Variants in WDR77 observed in about 807,000 individuals in gnomAD.
WDR77 encodes WD repeat domain 77, also known as methylosome protein WDR77.
In WDR77, 31 loss-of-function variants were observed where a neutral mutation model predicts 44.0. The ratio of observed to expected loss-of-function variants is 0.70; its 90% CI spans 0.53 to 0.95. The LOEUF is 0.95. WDR77 is among the 40% of genes least tolerant of loss of function. The probability of loss-of-function intolerance (pLI) is 0.00; values close to 1 mark genes in which losing one functional copy is unlikely to be tolerated. For missense variants in WDR77, 390 were observed against 423.9 expected, an observed-to-expected ratio of 0.92 and a Z score of 0.70; for synonymous variants, 186 against 165.7, an observed-to-expected ratio of 1.12 and a Z score of -0.94.
intron 9 of WDR77, 63 bp from the exon 10 acceptor site, chr1:111,441,452 A>G: frequency 7.0e-7 from 1 of 1,421,478 alleles, no homozygotes; most frequent in Non-Finnish European, 9.3e-7. Flanking sequence ...GGAGAAAAAA[A>G]GAGAACCCAA....
chr1:111,445,637 G>A (rs1221180706), intron 4 of WDR77, among the ~76,000 whole-genome samples: 2 of 152,084 alleles, frequency 1.3e-5, no homozygotes, highest in African/African-American at 4.8e-5. Flanking sequence ...ATTCAGCAGG[G>A]GGAATAAGAC....
At chr1:111,447,277 C>T (rs1330185776) in intron 3 of WDR77, 133 bp from the exon 4 acceptor site, 34 of 1,457,186 alleles carry the variant, frequency 2.3e-5, no homozygotes, top group Admixed American at 5.8e-5. Flanking sequence ...GGTCTACTTA[C>T]GATGGACTGC....
At position 111,448,756 on chromosome 1, in the gene WDR77, G is replaced by A. The variant is rs1399297960; in HGVS notation, c.164C>T (p.Ala55Val). Residue 55 changes from alanine to valine, a missense_variant, in exon 2 of 10, where the codon GCC (alanine) becomes GTC (valine). Coordinates refer to ENST00000235090, the MANE Select transcript of WDR77 (RefSeq NM_024102.4). ...GTCCTTAAAAAGCCAGAGGGAGCCGGCCCAGCAGCGCCCACTCAGGCTGGA... is the reference window on the plus strand; with the variant it reads ...GTCCTTAAAAAGCCAGAGGGAGCCGACCCAGCAGCGCCCACTCAGGCTGGA... ...GASSLSGRCW[A>V]GSLWLFKDPC... is the part of the protein sequence containing the mutation. 1 of 1,606,294 alleles carries A rather than the reference G, an allele frequency of 6.2e-7. No homozygotes were observed. Among genetic ancestry groups the A allele is most frequent in the Non-Finnish European group, 8.5e-7 (1 of 1,176,088 alleles).
intron 4 of WDR77, among the ~76,000 whole-genome samples, chr1:111,444,791 T>TAC (rs1652961828): frequency 1.3e-5 from 2 of 152,252 alleles, no homozygotes. Context: ...AACACAAGTA[T>TAC]GGCTCTGTGA....
rs1426091633 is a variant in WDR77, at chr1:111,440,065, A to G, written c.*1165T>C. 6.6e-6 allele frequency: 1 copy of G among 152,646 alleles called. No individual in the cohort carries two copies. The highest frequency in any genetic ancestry group is 1.5e-5 in the Non-Finnish European group (1 of 68,034). 9.5% of individuals were successfully genotyped at this position (152,646 alleles called of 1,614,324 possible). ...ATAATTGATTATATTTACTTTCAAT[A>G]TAATCAGTAATTGATCCATGACTCC... On this transcript the variant is annotated 3_prime_UTR_variant, in exon 10 of 10. Coordinates refer to ENST00000235090, the MANE Select transcript of WDR77 (RefSeq NM_024102.4).
intron 4 of WDR77, among the ~76,000 whole-genome samples, chr1:111,445,822 G>A (rs895487263): frequency 6.6e-6 from 1 of 152,026 alleles, no homozygotes; most frequent in African/African-American, 2.4e-5. Context: ...AGGCTGGAGT[G>A]CAGTGGCGTG....
intron 2 of WDR77, 71 bp from the exon 3 acceptor site, chr1:111,447,647 A>G: frequency 1.3e-6 from 2 of 1,554,956 alleles, no homozygotes; most frequent in Non-Finnish European, 1.8e-6. Flanking sequence ...CTAGGATTCA[A>G]AGAGCCATTG....
intron 4 of WDR77, among the ~76,000 whole-genome samples, chr1:111,444,586 C>G (rs773012233): frequency 2.0e-5 from 3 of 152,160 alleles, no homozygotes; most frequent in Non-Finnish European, 2.9e-5. Context: ...TCACTCTTCT[C>G]CCACTTCATA....
chr1:111,443,535 G>T, intron 6 of WDR77, 141 bp from the exon 7 acceptor site: 1 of 1,263,040 alleles, frequency 7.9e-7, no homozygotes, highest in Non-Finnish European at 1.1e-6. Flanking sequence ...TCATCCTTGA[G>T]CCTCATAACC....
At chr1:111,448,843 A>T (rs1044989368) in intron 1 of WDR77, 39 bp from the exon 2 acceptor site, 31 of 1,552,890 alleles carry the variant, frequency 2.0e-5, no homozygotes, top group Admixed American at 3.9e-5. Context: ...GAAGGGTAGA[A>T]GGGTTCGCCT....
intron 4 of WDR77, among the ~76,000 whole-genome samples, chr1:111,445,425 A>T (rs1247385362): frequency 6.6e-6 from 1 of 152,208 alleles, no homozygotes; most frequent in East Asian, 1.9e-4. Context: ...GACAAGCACC[A>T]TGGTGGTGTA....
Position 111,442,109 on chromosome 1 carries a change from G to A in WDR77, c.801-16C>T, listed in dbSNP as rs972028237. On this transcript the variant is annotated splice_polypyrimidine_tract_variant and intron_variant, in intron 8 of 9. Transcript: ENST00000235090. ...GAAGGGAACACTATCAGATGGAGGA[G>A]AGGGTTGTGAAAGGTCCAGCCTGGA... 11 of 1,613,216 alleles carry A rather than the reference G, an allele frequency of 6.8e-6. No homozygotes were observed. Among genetic ancestry groups the A allele is most frequent in the Non-Finnish European group, 6.8e-6 (8 of 1,179,300 alleles).
At chr1:111,442,590 TAC>T (rs991931497) in intron 8 of WDR77, 61 bp downstream of exon 8, 19 of 1,180,582 alleles carry the variant, frequency 1.6e-5, no homozygotes, top group South Asian at 1.0e-4. Context: ...TTTGAAAACA[TAC>T]ACACACACCC....
rs1449350157 is a variant in WDR77 at position 111,449,243 on chromosome 1, C to G, written c.-74G>C. ...GACTCCGCTCCGGCAGCAAACCCCA[C>G]GTGGTGCACCTCTGAGCCTCCGCCC... On this transcript the variant is annotated 5_prime_UTR_variant, in exon 1 of 10. Transcript: ENST00000235090. 3 of 1,535,914 alleles carry G rather than the reference C, an allele frequency of 2.0e-6. No individual in the cohort carries two copies. The highest frequency in any genetic ancestry group is 2.4e-5 in the South Asian group (2 of 84,088).
chr1:111,446,681 A>G (rs1653046202), intron 4 of WDR77: 1 of 164,350 alleles, frequency 6.1e-6, no homozygotes, highest in Admixed American at 6.3e-5. Flanking sequence ...CCAGTGGAAA[A>G]GACTAAAAAG....
At chr1:111,441,420 T>G in intron 9 of WDR77, 31 bp from the exon 10 acceptor site, 1 of 1,450,696 alleles carries the variant, frequency 6.9e-7, no homozygotes, top group Non-Finnish European at 9.1e-7. Flanking sequence ...CGGGGCAGAG[T>G]AGAGACAAGA....
rs1457787304 is a variant in WDR77, at chr1:111,443,412, G to A, written c.620-18C>T. 2 of 1,551,110 alleles carry A rather than the reference G, an allele frequency of 1.3e-6. No homozygotes were observed. Among genetic ancestry groups the A allele is most frequent in the Non-Finnish European group, 1.7e-6 (2 of 1,146,552 alleles). On this transcript the variant is annotated intron_variant, in intron 6 of 9. Coordinates refer to ENST00000235090, the MANE Select transcript of WDR77 (RefSeq NM_024102.4). ...ACTGCAGCCTGCAAAGGAGAGACGA[G>A]GGTCTGGACCAAAACTCAGAGTACA...
intron 4 of WDR77, 36 bp downstream of exon 4, chr1:111,447,059 A>G (rs903078200): frequency 2.5e-6 from 4 of 1,610,994 alleles, no homozygotes; most frequent in Non-Finnish European, 3.4e-6. Context: ...AAAACACAAC[A>G]GCTAACACCA....
At chr1:111,447,398 A>T in intron 3 of WDR77, 37 bp downstream of exon 3, 1 of 1,612,520 alleles carries the variant, frequency 6.2e-7, no homozygotes, top group Non-Finnish European at 8.5e-7. Context: ...CACCCACAGG[A>T]GGCTTAGAGA....
Sources: gnomAD v4.1 joint callset for allele counts (sites outside exome capture counted in the v4.1 genomes callset) on GRCh38, gnomAD v4.1.1 for gene constraint, MANE v1.5 for transcripts, NCBI Gene and HGNC (gene_info 2026-07-23, HGNC 2026-07-21) for gene names.